EIF3H: variants seen among roughly 807,000 people sequenced by gnomAD.
EIF3H encodes the protein eukaryotic translation initiation factor 3 subunit H.
In EIF3H, 26 loss-of-function variants were observed where a neutral mutation model predicts 44.2. The observed-to-expected ratio is 0.59, with a 90% CI of 0.43 to 0.82. The LOEUF (loss-of-function observed/expected upper bound fraction) is 0.82, where lower values mean the gene tolerates loss of function less well. EIF3H is among the 40% of genes least tolerant of loss of function. The pLI is 0.00. For missense variants in EIF3H, 359 were observed against 432.8 expected (o/e 0.83, Z 1.51); for synonymous variants, 166 against 151.9 (o/e 1.09, Z -0.68).
chr8:116,746,617 A>G (rs1309711301), intron 1 of EIF3H, among the ~76,000 whole-genome samples: 1 of 152,226 alleles, frequency 6.6e-6, no homozygotes, highest in East Asian at 1.9e-4. Flanking sequence ...AGCTTCTTGG[A>G]GTGGGAGAAT....
At chr8:116,763,921 G>T (rs1245136635) in intron 1 of EIF3H, among the ~76,000 whole-genome samples, 3 of 152,092 alleles carry the variant, frequency 2.0e-5, no homozygotes, top group Non-Finnish European at 2.9e-5. Context: ...TCTTTCATGA[G>T]AAAGTCCTAT....
At chr8:116,730,615 T>C (rs559112422) in intron 1 of EIF3H, among the ~76,000 whole-genome samples, 35 of 152,324 alleles carry the variant, frequency 2.3e-4, no homozygotes, top group Middle Eastern at 3.4e-3. Context: ...ATTTGCCATG[T>C]ATATATATTT....
At chr8:116,668,361 G>A (rs1471211174) in intron 2 of EIF3H, among the ~76,000 whole-genome samples, 1 of 152,206 alleles carries the variant, frequency 6.6e-6, no homozygotes, top group South Asian at 2.1e-4. Flanking sequence ...TCTCCAGAGA[G>A]TGAGATCATA....
At chr8:116,735,403 T>A (rs1441039353) in intron 1 of EIF3H, among the ~76,000 whole-genome samples, 8 of 152,176 alleles carry the variant, frequency 5.3e-5, no homozygotes, top group Non-Finnish European at 1.2e-4. Context: ...TGACTATACC[T>A]AGTCCCAGGA....
chr8:116,689,030 G>C (rs1814127844), intron 2 of EIF3H: 1 of 417,760 alleles, frequency 2.4e-6, no homozygotes, highest in Non-Finnish European at 4.8e-6. Context: ...ATTCATAATA[G>C]GCAAATGTTC....
Position 116,736,717 on chromosome 8 carries a change from TAC to T in EIF3H, c.133-10547_133-10546del, listed in dbSNP as rs1815048031. Among the ~76,000 whole-genome samples the T allele has an allele frequency of 4.6e-5, 7 of 152,262 alleles. No homozygotes were observed. The South Asian group carries it at 1.5e-3, about 32-fold the overall frequency. On this transcript the variant is annotated intron_variant, in intron 1 of 7. Coordinates refer to ENST00000521861, the MANE Select transcript of EIF3H (RefSeq NM_003756.3). Reference sequence around the variant, plus strand: ...TAAATACCTTAACTGAACAAAACTGTACACACTTTAAAAGTCTGATGAAGAAA... The same window carrying T: ...TAAATACCTTAACTGAACAAAACTGTACACTTTAAAAGTCTGATGAAGAAA...
At chr8:116,727,449 A>G (rs1250886903) in intron 1 of EIF3H, among the ~76,000 whole-genome samples, 2 of 152,248 alleles carry the variant, frequency 1.3e-5, no homozygotes, top group Non-Finnish European at 2.9e-5. Flanking sequence ...TGATGACGCC[A>G]GAGATAAAGA....
intron 2 of EIF3H, among the ~76,000 whole-genome samples, chr8:116,724,674 A>G (rs1343275874): frequency 6.6e-6 from 1 of 152,222 alleles, no homozygotes; most frequent in African/African-American, 2.4e-5. Flanking sequence ...ATCACCAACA[A>G]GCATATGAAA....
chr8:116,656,329 A>G (rs971066193), intron 4 of EIF3H, among the ~76,000 whole-genome samples: 7 of 152,214 alleles, frequency 4.6e-5, no homozygotes, highest in African/African-American at 1.7e-4. Flanking sequence ...GTTATGCTAC[A>G]CAACCTACAC....
chr8:116,669,365 G>C (rs1813717499), intron 2 of EIF3H, among the ~76,000 whole-genome samples: 1 of 152,134 alleles, frequency 6.6e-6, no homozygotes, highest in South Asian at 2.1e-4. Flanking sequence ...CTCTTCCAAA[G>C]AGAGGAAATA....
intron 5 of EIF3H, among the ~76,000 whole-genome samples, chr8:116,654,450 C>T (rs1813454211): frequency 6.6e-6 from 1 of 152,120 alleles, no homozygotes. Context: ...ATTATGTAAG[C>T]AAAAGCTTTC....
intron 2 of EIF3H, among the ~76,000 whole-genome samples, chr8:116,678,119 G>A (rs1206305145): frequency 6.6e-6 from 1 of 150,504 alleles, no homozygotes; most frequent in African/African-American, 2.4e-5. Context: ...CCTGCCGAGT[G>A]CCTGCGATTG....
chr8:116,693,358 GC>G (rs1814212137), intron 2 of EIF3H, among the ~76,000 whole-genome samples: 1 of 152,094 alleles, frequency 6.6e-6, no homozygotes, highest in African/African-American at 2.4e-5. Context: ...ACTCTTCAGG[GC>G]CATTTTTTTT....
chr8:116,701,796 C>CTAAA (rs1162493852), intron 2 of EIF3H, among the ~76,000 whole-genome samples: 1 of 152,096 alleles, frequency 6.6e-6, no homozygotes, highest in Admixed American at 6.5e-5. Flanking sequence ...CTGGAACATA[C>CTAAA]TAAAGAGATA....
At chr8:116,725,395 T>A (rs1160520048) in intron 2 of EIF3H, among the ~76,000 whole-genome samples, 1 of 152,192 alleles carries the variant, frequency 6.6e-6, no homozygotes, top group Non-Finnish European at 1.5e-5. Context: ...ATACTTAAAA[T>A]TTTTATGTGC....
chr8:116,746,332 A>G lies in EIF3H; in HGVS notation c.132+9334T>C, dbSNP rs752153173. Among the ~76,000 whole-genome samples, 91 of 152,236 alleles carry G rather than the reference A, an allele frequency of 6.0e-4. 1 individual carries two copies. The highest frequency in any genetic ancestry group is 2.1e-4 in the South Asian group (1 of 4,836). On this transcript the variant is annotated intron_variant, in intron 1 of 7. Coordinates refer to ENST00000521861, the MANE Select transcript of EIF3H (RefSeq NM_003756.3). Reference sequence around the variant, plus strand: ...TTCTATTTCCTCCATCTGTACATTAATCAAATCACATAAACTATTTGTACC... The same window carrying G: ...TTCTATTTCCTCCATCTGTACATTAGTCAAATCACATAAACTATTTGTACC...
chr8:116,700,681 T>G (rs1469292435), intron 2 of EIF3H, among the ~76,000 whole-genome samples: 1 of 152,226 alleles, frequency 6.6e-6, no homozygotes, highest in Non-Finnish European at 1.5e-5. Context: ...TTATATAGTT[T>G]GATCAGGGAG....
chr8:116,671,403 T>C (rs1813751608), intron 2 of EIF3H, among the ~76,000 whole-genome samples: 2 of 152,166 alleles, frequency 1.3e-5, no homozygotes, highest in Admixed American at 1.3e-4. Context: ...GGTAATATCA[T>C]CTTAACAACA....
intron 2 of EIF3H, among the ~76,000 whole-genome samples, chr8:116,687,911 T>C (rs1203287487): frequency 6.6e-6 from 1 of 152,140 alleles, no homozygotes; most frequent in Non-Finnish European, 1.5e-5. Flanking sequence ...AAGCTAAGAA[T>C]ATTTGTAAAA....
Sources: gnomAD v4.1 joint callset for allele counts (sites outside exome capture counted in the v4.1 genomes callset) on GRCh38, gnomAD v4.1.1 for gene constraint, MANE v1.5 for transcripts, NCBI Gene and HGNC (gene_info 2026-07-23, HGNC 2026-07-21) for gene names.